Variants in ASAP2 observed in about 807,000 individuals in gnomAD.
ASAP2 encodes arf-GAP with SH3 domain, ANK repeat and PH domain-containing protein 2.
Under a neutral mutation model 131.4 loss-of-function variants are expected in ASAP2, and 45 were observed. That is an observed-to-expected ratio of 0.34 (90% CI 0.27 to 0.44). The LOEUF (loss-of-function observed/expected upper bound fraction) is 0.44. Ranked by LOEUF, ASAP2 falls within the 20% of genes least tolerant of loss-of-function variation. The pLI, the probability that ASAP2 is intolerant of heterozygous loss-of-function variation, is 1.00. For missense variants in ASAP2, 1,011 were observed against 1,297.0 expected (o/e 0.78, Z 3.39); for synonymous variants, 510 against 503.0 (o/e 1.01, Z -0.19).
intron 1 of ASAP2, among the ~76,000 whole-genome samples, chr2:9,266,388 C>G (rs888035953): frequency 1.3e-5 from 2 of 152,170 alleles, no homozygotes; most frequent in Admixed American, 1.3e-4. Context: ...CTCAAGTGGT[C>G]TGCCCACCTC....
intron 19 of ASAP2, among the ~76,000 whole-genome samples, chr2:9,379,722 C>A (rs1439338668): frequency 2.0e-5 from 3 of 152,148 alleles, no homozygotes; most frequent in African/African-American, 7.2e-5. Context: ...AATAATCAGA[C>A]CTCATTGACT....
At chr2:9,211,740 G>A (rs983097923) in intron 1 of ASAP2, among the ~76,000 whole-genome samples, 1 of 152,192 alleles carries the variant, frequency 6.6e-6, no homozygotes, top group Admixed American at 6.5e-5. Flanking sequence ...CATGGGACCA[G>A]ACCCCTCCTA....
rs751901858 is a variant in ASAP2, at chr2:9,207,258, C to G, written c.126+28C>G. Reference sequence around the variant, plus strand: ...GAGGCGGCCTGCGCGGCGGCTCCGGCCGCAGGTATCCCGCGCCCCAGCCCC... The same window carrying G: ...GAGGCGGCCTGCGCGGCGGCTCCGGGCGCAGGTATCCCGCGCCCCAGCCCC... On this transcript the variant is annotated intron_variant, in intron 1 of 27. Coordinates refer to ENST00000281419, the MANE Select transcript of ASAP2 (RefSeq NM_003887.3). This position sits in a 1 kb window ranked among gnomAD's most constrained non-coding sequence, Gnocchi z 4.1. 8 of 1,519,724 alleles carry G rather than the reference C, an allele frequency of 5.3e-6. No individual in the cohort carries two copies. The highest frequency in any genetic ancestry group is 6.2e-6 in the Non-Finnish European group (7 of 1,136,318). 94.1% of individuals were successfully genotyped at this position (1,519,724 alleles called of 1,614,324 possible).
chr2:9,208,751 A>T (rs961819913), intron 1 of ASAP2, among the ~76,000 whole-genome samples: 1 of 152,238 alleles, frequency 6.6e-6, no homozygotes, highest in Non-Finnish European at 1.5e-5. Flanking sequence ...TTTTTTCCTA[A>T]GTGCCAGTTA....
At chr2:9,384,245 A>G (rs1675090034) in intron 20 of ASAP2, among the ~76,000 whole-genome samples, 1 of 152,250 alleles carries the variant, frequency 6.6e-6, no homozygotes, top group South Asian at 2.1e-4. Flanking sequence ...AACTTACACC[A>G]CAAACTAAAT....
At chr2:9,243,653 T>C (rs957779431) in intron 1 of ASAP2, among the ~76,000 whole-genome samples, 13 of 152,210 alleles carry the variant, frequency 8.5e-5, no homozygotes, top group African/African-American at 3.1e-4. Context: ...CGTTTCCACT[T>C]ACAGAAGCTT....
At chr2:9,246,581 A>T (rs62121268) in intron 1 of ASAP2, among the ~76,000 whole-genome samples, 27,179 of 152,208 alleles carry the variant, frequency 0.18, 2,868 homozygotes, top group Non-Finnish European at 0.25. Context: ...CACCACGCCC[A>T]GCCCCACCTG....
chr2:9,233,830 G>A (rs1663345155), intron 1 of ASAP2, among the ~76,000 whole-genome samples: 1 of 151,542 alleles, frequency 6.6e-6, no homozygotes, highest in African/African-American at 2.4e-5. Flanking sequence ...AGGGGAGTGG[G>A]CTGGGCATGG....
chr2:9,395,724 C>CA (rs1676094290), intron 24 of ASAP2, among the ~76,000 whole-genome samples: 1 of 148,022 alleles, frequency 6.8e-6, no homozygotes, highest in African/African-American at 2.5e-5. Context: ...TCTCCTGCCT[C>CA]AGCCTCCCAA....
intron 3 of ASAP2, among the ~76,000 whole-genome samples, chr2:9,303,405 C>G (rs1313641836): frequency 6.6e-6 from 1 of 152,150 alleles, no homozygotes; most frequent in Non-Finnish European, 1.5e-5. Flanking sequence ...GTCTCTGTTT[C>G]ACGATGCTGC....
chr2:9,335,706 C>A (rs1340793039), intron 9 of ASAP2, among the ~76,000 whole-genome samples: 2 of 152,210 alleles, frequency 1.3e-5, no homozygotes, highest in African/African-American at 4.8e-5. Flanking sequence ...GTAATGACGT[C>A]TCTGTGTGCT....
chr2:9,361,596 C>G (rs950038299), intron 15 of ASAP2, among the ~76,000 whole-genome samples: 4 of 151,520 alleles, frequency 2.6e-5, no homozygotes, highest in Non-Finnish European at 4.4e-5. Flanking sequence ...TTGACAGGGT[C>G]TCACTCCATG....
At chr2:9,334,637 A>G (rs1275304863) in intron 7 of ASAP2, 101 bp from the exon 8 acceptor site, 2 of 982,392 alleles carry the variant, frequency 2.0e-6, no homozygotes, top group Non-Finnish European at 3.1e-6. Context: ...CCCAGGAGTT[A>G]CATAATGACT....
chr2:9,343,797 T>C (rs1050114201), intron 9 of ASAP2, among the ~76,000 whole-genome samples: 1 of 152,192 alleles, frequency 6.6e-6, no homozygotes, highest in African/African-American at 2.4e-5. Flanking sequence ...TGCCAGACAC[T>C]GGACTTGGGC....
intron 1 of ASAP2, among the ~76,000 whole-genome samples, chr2:9,225,540 G>A (rs1286829940): frequency 6.6e-6 from 1 of 152,190 alleles, no homozygotes. Context: ...CAGGTGACAG[G>A]TGGGTCAGAG....
chr2:9,214,578 A>G (rs1033777919), intron 1 of ASAP2, among the ~76,000 whole-genome samples: 2 of 151,700 alleles, frequency 1.3e-5, no homozygotes, highest in Non-Finnish European at 2.9e-5. Context: ...CGTTTTTATC[A>G]TGTCAACAAT....
intron 2 of ASAP2, among the ~76,000 whole-genome samples, chr2:9,294,545 C>T (rs1668036992): frequency 6.6e-6 from 1 of 152,212 alleles, no homozygotes; most frequent in African/African-American, 2.4e-5. Flanking sequence ...GGTGACATGA[C>T]TCTCTGAACT....
intron 15 of ASAP2, among the ~76,000 whole-genome samples, chr2:9,366,045 TC>T (rs1452138518): frequency 6.6e-6 from 1 of 152,128 alleles, no homozygotes; most frequent in Non-Finnish European, 1.5e-5. Flanking sequence ...ACAGCCACCT[TC>T]CTGCCCCCTT....
At chr2:9,308,311 G>T (rs1669081574) in intron 3 of ASAP2, among the ~76,000 whole-genome samples, 1 of 152,166 alleles carries the variant, frequency 6.6e-6, no homozygotes, top group Non-Finnish European at 1.5e-5. Context: ...CAAGAATGAG[G>T]CGGGAGGTGC....
Sources: allele counts gnomAD v4.1 joint callset (sites outside exome capture counted in the v4.1 genomes callset), GRCh38; gene constraint gnomAD v4.1.1; non-coding constraint Gnocchi (gnomAD v3.1); transcripts MANE v1.5; gene names NCBI Gene and HGNC (gene_info 2026-07-23, HGNC 2026-07-21).